Variants in ADAM22 observed in about 807,000 individuals in gnomAD.
ADAM22 encodes disintegrin and metalloproteinase domain-containing protein 22.
In ADAM22, 65 loss-of-function variants were observed where a neutral mutation model predicts 144.6. That is an observed-to-expected ratio of 0.45 (90% confidence interval 0.37 to 0.55). The LOEUF (loss-of-function observed/expected upper bound fraction) is 0.55, where lower values mean the gene tolerates loss of function less well. ADAM22 is among the 20% of genes least tolerant of loss of function. ADAM22 has a pLI of 0.00. For missense variants in ADAM22, 974 were observed against 1,184.9 expected (o/e 0.82, Z 2.61); for synonymous variants, 391 against 412.6 (o/e 0.95, Z 0.63).
At chr7:88,026,452 C>T (rs560005198) in intron 3 of ADAM22, among the ~76,000 whole-genome samples, 8 of 152,296 alleles carry the variant, frequency 5.3e-5, no homozygotes, top group African/African-American at 1.9e-4. Context: ...CCCGATGATA[C>T]AGTCACTTCC....
chr7:88,084,245 G>A (rs6964103), intron 4 of ADAM22, among the ~76,000 whole-genome samples: 84,887 of 151,950 alleles, frequency 0.56, 24,859 homozygotes, highest in East Asian at 0.88. Flanking sequence ...TTGGGTATAC[G>A]TAACTCATGA....
chr7:88,196,444 G>A, intron 31 of ADAM22, 27 bp from the exon 32 acceptor site: 1 of 1,613,728 alleles, frequency 6.2e-7, no homozygotes. Context: ...TTCACAATGT[G>A]CAATTTTGCT....
chr7:88,055,527 GCAGA>G (rs1228409251), intron 3 of ADAM22, among the ~76,000 whole-genome samples: 1 of 152,118 alleles, frequency 6.6e-6, no homozygotes, highest in Non-Finnish European at 1.5e-5. Context: ...GGTCTGTAGA[GCAGA>G]CAGATTCTCA....
intron 2 of ADAM22, among the ~76,000 whole-genome samples, chr7:87,961,416 A>T (rs1279416165): frequency 1.3e-5 from 2 of 152,220 alleles, no homozygotes; most frequent in Non-Finnish European, 2.9e-5. Context: ...GTATTGGATT[A>T]TCCCACCAAG....
chr7:88,124,909 A>G (rs1345950636), intron 7 of ADAM22, among the ~76,000 whole-genome samples: 1 of 151,986 alleles, frequency 6.6e-6, no homozygotes, highest in Non-Finnish European at 1.5e-5. Flanking sequence ...TATTTGTATA[A>G]TAAGCCCCTT....
chr7:87,979,573 G>GA (rs1254619565), intron 3 of ADAM22, among the ~76,000 whole-genome samples: 8 of 152,054 alleles, frequency 5.3e-5, no homozygotes, highest in African/African-American at 1.9e-4. Context: ...CATTATTGAT[G>GA]TATGGCCATC....
chr7:88,149,290 G>A (rs1837619562), intron 18 of ADAM22, among the ~76,000 whole-genome samples: 1 of 152,092 alleles, frequency 6.6e-6, no homozygotes. Context: ...TAACTATTTT[G>A]TTTTTGTATT....
At chr7:87,941,444 C>T (rs959754487) in intron 2 of ADAM22, among the ~76,000 whole-genome samples, 7 of 151,862 alleles carry the variant, frequency 4.6e-5, no homozygotes, top group African/African-American at 1.2e-4. Context: ...GCTTCCGTGG[C>T]GGAAAATGGC....
At position 88,198,244 on chromosome 7, in the gene ADAM22, G is replaced by C. The variant is rs1409110713; in HGVS notation, c.*1753G>C. On this transcript the variant is annotated 3_prime_UTR_variant, in exon 32 of 32. Coordinates refer to ENST00000413139, the MANE Select transcript of ADAM22 (RefSeq NM_001324418.2). ...GATTACATATCATGCCCAAACTGAA[G>C]GGCCGAGTTAGAAGGCAGCATTTTA... 6.6e-6 allele frequency: 1 copy of C among 152,154 alleles called. No homozygotes were observed. The highest frequency in any genetic ancestry group is 2.4e-5 in the African/African-American group (1 of 41,424). 9.4% of individuals were successfully genotyped at this position (152,154 alleles called of 1,614,324 possible). A position where few individuals can be genotyped will look rare whatever the true frequency, so the allele number is the denominator to read the frequency against.
intron 3 of ADAM22, among the ~76,000 whole-genome samples, chr7:88,039,036 C>T (rs1057360913): frequency 6.6e-6 from 1 of 152,074 alleles, no homozygotes; most frequent in African/African-American, 2.4e-5. Context: ...CTGTCTTAGC[C>T]TCATAATACA....
At chr7:88,110,377 A>T (rs1189180959) in intron 5 of ADAM22, among the ~76,000 whole-genome samples, 1 of 151,962 alleles carries the variant, frequency 6.6e-6, no homozygotes, top group Non-Finnish European at 1.5e-5. Context: ...TTAAAATCTC[A>T]ATCCAAAGTC....
intron 9 of ADAM22, 122 bp downstream of exon 9, chr7:88,128,798 T>A: frequency 1.5e-6 from 1 of 665,390 alleles, no homozygotes; most frequent in Non-Finnish European, 2.5e-6. Flanking sequence ...ATTTGTATAA[T>A]CAAATATATT....
At chr7:88,161,646 A>G (rs911982410) in intron 22 of ADAM22, among the ~76,000 whole-genome samples, 12 of 152,142 alleles carry the variant, frequency 7.9e-5, no homozygotes, top group African/African-American at 2.9e-4. Context: ...AAAAGTGGGC[A>G]AAGGACATGA....
At chr7:87,962,831 A>G (rs1376841961) in intron 2 of ADAM22, among the ~76,000 whole-genome samples, 14 of 152,134 alleles carry the variant, frequency 9.2e-5, no homozygotes, top group Non-Finnish European at 1.5e-5. Context: ...AAATAGTGAA[A>G]CTGAGGCACA....
At chr7:88,094,194 A>G (rs1820664464) in intron 4 of ADAM22, among the ~76,000 whole-genome samples, 1 of 152,274 alleles carries the variant, frequency 6.6e-6, no homozygotes, top group Non-Finnish European at 1.5e-5. Context: ...ACTCTTTGTA[A>G]ATGATAGAAA....
chr7:87,938,504 C>A (rs1417168655), intron 2 of ADAM22, among the ~76,000 whole-genome samples: 1 of 151,978 alleles, frequency 6.6e-6, no homozygotes, highest in Non-Finnish European at 1.5e-5. Context: ...CAAACATGAG[C>A]CACCATGCCT....
intron 3 of ADAM22, among the ~76,000 whole-genome samples, chr7:87,980,912 C>T (rs1290453228): frequency 6.6e-6 from 1 of 152,104 alleles, no homozygotes; most frequent in Non-Finnish European, 1.5e-5. Context: ...GGTCTGGCCA[C>T]ACTAGTCCTA....
intron 21 of ADAM22, among the ~76,000 whole-genome samples, chr7:88,154,171 A>C (rs1193912539): frequency 6.6e-6 from 1 of 152,200 alleles, no homozygotes; most frequent in Non-Finnish European, 1.5e-5. Flanking sequence ...TGTAATAATA[A>C]GCAGAATTAG....
At chr7:87,938,626 A>G (rs569477964) in intron 2 of ADAM22, among the ~76,000 whole-genome samples, 8 of 152,088 alleles carry the variant, frequency 5.3e-5, no homozygotes, top group African/African-American at 1.9e-4. Context: ...TTTCTTTAAA[A>G]GGCATTTATT....
Sources: allele counts gnomAD v4.1 joint callset (sites outside exome capture counted in the v4.1 genomes callset), GRCh38; gene constraint gnomAD v4.1.1; transcripts MANE v1.5; gene names NCBI Gene and HGNC (gene_info 2026-07-23, HGNC 2026-07-21).